The following ERAP1 variants were observed in gnomAD, a reference collection of about 807,000 sequenced individuals.
ERAP1 encodes the protein adipocyte-derived leucine aminopeptidase.
In ERAP1, 86 loss-of-function variants were observed where a neutral mutation model predicts 103.7. The ratio of observed to expected loss-of-function variants is 0.83; its 90% CI spans 0.70 to 0.99. The LOEUF (loss-of-function observed/expected upper bound fraction) is 0.99. Among genes scored for constraint, ERAP1 ranks in the 50% least tolerant of loss-of-function variants. The pLI is 0.00. For synonymous variants in ERAP1, 398 were observed against 402.4 expected, an observed-to-expected ratio of 0.99 and a Z score of 0.13; for missense variants, 1,009 against 1,128.4, an observed-to-expected ratio of 0.89 and a Z score of 1.52.
the ERAP1 span, chr5:96,900,188 T>C: frequency 6.2e-7 from 1 of 1,613,764 alleles, no homozygotes. Context: ...ACAAGTAACA[T>C]GGTAAGGATA....
At chr5:96,873,033 A>G in the ERAP1 span, among the ~76,000 whole-genome samples, 1 of 152,158 alleles carries the variant, frequency 6.6e-6, no homozygotes, top group East Asian at 1.9e-4. Flanking sequence ...TACTAAAAAT[A>G]CAAAAATTAG....
At chr5:96,909,670 C>G in the ERAP1 span, 1 of 1,614,196 alleles carries the variant, frequency 6.2e-7, no homozygotes, top group Non-Finnish European at 8.5e-7. Flanking sequence ...CCGCTCGGCT[C>G]TCTTGAAGCT....
At chr5:96,891,065 G>A in the ERAP1 span, among the ~76,000 whole-genome samples, 2 of 152,168 alleles carry the variant, frequency 1.3e-5, no homozygotes, top group African/African-American at 2.4e-5. Context: ...AAGTGCTAAC[G>A]AATACTAATC....
intron 18 of ERAP1, among the ~76,000 whole-genome samples, chr5:96,780,165 T>C (rs544596199): frequency 1.3e-5 from 2 of 152,336 alleles, no homozygotes; most frequent in African/African-American, 4.8e-5. Context: ...ACTAATTGTC[T>C]CAAGTAATTT....
Position 96,775,598 on chromosome 5 carries a change from A to T in ERAP1, c.*798T>A, listed in dbSNP as rs72773917. 0.11 allele frequency: 83,677 copies of T among 734,450 alleles called. 5,290 individuals are homozygous for T. Among genetic ancestry groups the T allele is most frequent in the Middle Eastern group, 0.13 (180 of 1,390 alleles). 45.5% of individuals were successfully genotyped at this position (734,450 alleles called of 1,614,324 possible). A position where few individuals can be genotyped will look rare whatever the true frequency, so the allele number is the denominator to read the frequency against. ...TTTTTTGCAAAAGTGCGAGCACATT[A>T]TGTAGAAACCACAAGTCCGCCAGGA... On this transcript the variant is annotated 3_prime_UTR_variant, in exon 19 of 19. Transcript: ENST00000443439.
intron 18 of ERAP1, among the ~76,000 whole-genome samples, chr5:96,777,529 T>C (rs1213154136): frequency 6.6e-6 from 1 of 152,198 alleles, no homozygotes; most frequent in East Asian, 1.9e-4. Flanking sequence ...TAAAATTATA[T>C]GTCAATACAG....
At chr5:96,867,734 A>G in the ERAP1 span, among the ~76,000 whole-genome samples, 18 of 152,160 alleles carry the variant, frequency 1.2e-4, no homozygotes, top group African/African-American at 3.9e-4. Flanking sequence ...CATGGTGGGG[A>G]AAAAAAAGGT....
At chr5:96,833,631 T>C in the ERAP1 span, among the ~76,000 whole-genome samples, 2 of 151,864 alleles carry the variant, frequency 1.3e-5, no homozygotes, top group Non-Finnish European at 2.9e-5. Flanking sequence ...GACCTCACCT[T>C]GTGTAAAAAA....
At chr5:96,830,911 A>T in the ERAP1 span, among the ~76,000 whole-genome samples, 1 of 152,174 alleles carries the variant, frequency 6.6e-6, no homozygotes, top group Non-Finnish European at 1.5e-5. Context: ...AAATACCAAA[A>T]TCCAAGTATA....
At position 96,784,056 on chromosome 5, in the gene ERAP1, C is replaced by A; in HGVS notation, c.1968G>T (p.Lys656Asn). 1 of 1,614,058 alleles carries A rather than the reference C, an allele frequency of 6.2e-7. No individual in the cohort carries two copies. Among genetic ancestry groups the A allele is most frequent in the Non-Finnish European group, 8.5e-7 (1 of 1,180,004 alleles). Reference sequence around the variant, plus strand: ...TCAAGTACAGGGATAAATCCAAGGCCTTTTCAATGGACAGCTTCCCAATGC... The same window carrying A: ...TCAAGTACAGGGATAAATCCAAGGCATTTTCAATGGACAGCTTCCCAATGC... ...LVSIGKLSIE[K>N]ALDLSLYLKH... Residue 656 changes from lysine to asparagine, a missense_variant, in exon 14 of 19, where the codon AAG becomes AAT. Around this residue, in one of 3 missense-constraint regions of ERAP1, gnomAD observed 611 missense variants for 651.7 expected, o/e 0.94. Transcript: ENST00000443439.
the ERAP1 span, chr5:96,880,370 T>C: frequency 3.1e-6 from 3 of 960,766 alleles, no homozygotes; most frequent in East Asian, 2.6e-5. Context: ...TCCAGTGAAC[T>C]ATGGGGAACC....
At chr5:96,896,548 G>A in the ERAP1 span, 1 of 1,580,104 alleles carries the variant, frequency 6.3e-7, no homozygotes, top group Non-Finnish European at 8.6e-7. Flanking sequence ...TTTCAGAAGT[G>A]TAATAATGAC....
At chr5:96,891,343 A>G in the ERAP1 span, among the ~76,000 whole-genome samples, 1 of 140,146 alleles carries the variant, frequency 7.1e-6, no homozygotes, top group African/African-American at 2.6e-5. Context: ...ATACCTGTAT[A>G]TGTATATGTG....
chr5:96,878,319 G>C, the ERAP1 span, among the ~76,000 whole-genome samples: 1 of 152,036 alleles, frequency 6.6e-6, no homozygotes, highest in Admixed American at 6.6e-5. Context: ...TACCTACCTT[G>C]ACCAGCAACC....
At chr5:96,867,240 G>A in the ERAP1 span, among the ~76,000 whole-genome samples, 7 of 152,008 alleles carry the variant, frequency 4.6e-5, no homozygotes, top group South Asian at 1.5e-3. Context: ...CTCCTGAGCT[G>A]AGGCAATCCC....
the ERAP1 span, among the ~76,000 whole-genome samples, chr5:96,838,392 G>A: frequency 1.2e-4 from 18 of 152,274 alleles, no homozygotes; most frequent in South Asian, 3.5e-3. Flanking sequence ...GTCTACATTG[G>A]AAAATACACT....
In ERAP1 at chr5:96,780,418, T is replaced by C. The variant is rs1381241939; in HGVS notation, c.2670+5A>G. ...AAAATATATATATAGATTTTTTTTT[T>C]TTACCTCTTCAAGCCGTGTTCTTGT... On this transcript the variant is annotated splice_donor_5th_base_variant and intron_variant, in intron 18 of 18. Transcript: ENST00000443439. The C allele has an allele frequency of 6.3e-7, 1 of 1,590,516 alleles. No homozygotes were observed. Among genetic ancestry groups the C allele is most frequent in the East Asian group, 2.2e-5 (1 of 44,594 alleles).
chr5:96,904,070 T>C, the ERAP1 span, among the ~76,000 whole-genome samples: 4 of 152,252 alleles, frequency 2.6e-5, no homozygotes, highest in Non-Finnish European at 4.4e-5. Flanking sequence ...AATATAGTCT[T>C]AACTTTTATA....
At chr5:96,812,001 G>C (rs776438570), upstream of ERAP1, among the ~76,000 whole-genome samples, 1 of 152,110 alleles carries the variant, frequency 6.6e-6, no homozygotes, top group Admixed American at 6.5e-5. Context: ...ACCTTTGCTC[G>C]TGTCAACAAG....
Sources: gnomAD v4.1 joint callset for allele counts (sites outside exome capture counted in the v4.1 genomes callset) on GRCh38, gnomAD v4.1.1 for gene constraint, gnomAD v4.1.1 regional missense constraint, MANE v1.5 for transcripts, NCBI Gene and HGNC (gene_info 2026-07-23, HGNC 2026-07-21) for gene names.